The following PCDH15 variants were observed in gnomAD, a reference collection of about 807,000 sequenced individuals.
PCDH15 encodes the protein protocadherin-15.
PCDH15 carries 129 observed loss-of-function variants against 178.5 expected under a neutral mutation model. The observed-to-expected ratio is 0.72, with a 90% CI of 0.63 to 0.84. The LOEUF is 0.84. PCDH15 is among the 40% of genes least tolerant of loss of function. PCDH15 has a pLI of 0.00. For missense variants in PCDH15, 2,230 were observed against 2,099.9 expected (o/e 1.06, Z -1.21); for synonymous variants, 800 against 732.0 (o/e 1.09, Z -1.50).
intron 2 of PCDH15, among the ~76,000 whole-genome samples, chr10:55,602,401 C>T (rs975394657): frequency 5.9e-5 from 9 of 152,166 alleles, no homozygotes; most frequent in African/African-American, 2.2e-4. Flanking sequence ...TCAAGGAGGC[C>T]TGCCTGCCTC....
chr10:54,303,941 A>G (rs2060303380), intron 8 of PCDH15, among the ~76,000 whole-genome samples: 1 of 152,094 alleles, frequency 6.6e-6, no homozygotes, highest in Non-Finnish European at 1.5e-5. Flanking sequence ...CCTGTGTGAA[A>G]ATGTCACCTT....
chr10:54,311,380 G>GA (rs1026184642), intron 8 of PCDH15, among the ~76,000 whole-genome samples: 88 of 151,894 alleles, frequency 5.8e-4, no homozygotes, highest in African/African-American at 2.0e-3. Flanking sequence ...CTGTTCAATT[G>GA]AAAAAAATGC....
chr10:55,281,231 A>G (rs1014355583), intron 1 of PCDH15, among the ~76,000 whole-genome samples: 1 of 152,152 alleles, frequency 6.6e-6, no homozygotes, highest in Admixed American at 6.5e-5. Flanking sequence ...AGAATTTGGA[A>G]TAATAATAAC....
At chr10:54,284,413 C>T (rs1195606845) in intron 8 of PCDH15, among the ~76,000 whole-genome samples, 1 of 152,084 alleles carries the variant, frequency 6.6e-6, no homozygotes, top group Non-Finnish European at 1.5e-5. Flanking sequence ...TATGATTGGG[C>T]AATGTGTGGC....
chr10:54,628,747 T>C (rs774477117), intron 2 of PCDH15, among the ~76,000 whole-genome samples: 4 of 152,116 alleles, frequency 2.6e-5, no homozygotes, highest in African/African-American at 4.8e-5. Context: ...GGTTCTTGAG[T>C]CAGTTTGGTT....
At chr10:54,888,347 C>G (rs1028979832) in intron 3 of PCDH15, among the ~76,000 whole-genome samples, 2 of 151,770 alleles carry the variant, frequency 1.3e-5, no homozygotes, top group Admixed American at 6.6e-5. Context: ...TTAGATTTAT[C>G]CGTGTGGTTA....
At chr10:55,424,001 G>A (rs1455998168) in intron 2 of PCDH15, among the ~76,000 whole-genome samples, 1 of 151,930 alleles carries the variant, frequency 6.6e-6, no homozygotes, top group Non-Finnish European at 1.5e-5. Flanking sequence ...CAGAAATTGA[G>A]GAAGACACAC....
intron 2 of PCDH15, among the ~76,000 whole-genome samples, chr10:54,558,559 C>T (rs1009032255): frequency 9.2e-5 from 14 of 152,020 alleles, no homozygotes; most frequent in African/African-American, 2.9e-4. Context: ...TTTTGACTTC[C>T]CTCTTCTGAA....
chr10:55,542,071 C>T (rs898436928), intron 2 of PCDH15, among the ~76,000 whole-genome samples: 3 of 151,352 alleles, frequency 2.0e-5, no homozygotes, highest in Non-Finnish European at 4.4e-5. Context: ...CATACCACTT[C>T]CTACCAAAAC....
intron 2 of PCDH15, among the ~76,000 whole-genome samples, chr10:55,016,968 A>ACG (rs1840196979): frequency 6.6e-6 from 1 of 151,764 alleles, no homozygotes; most frequent in African/African-American, 2.4e-5. Flanking sequence ...ACACTCACAC[A>ACG]CACACAGAGG....
rs902580766 is a variant in PCDH15, at chr10:54,900,974, T to C, written c.-79-3474A>G. ...CTAGATTTTCACATTTAGGGTATCA[T>C]TTGTGCTCTAGACCTTGTGATAACA... On this transcript the variant is annotated intron_variant, in intron 2 of 5. Coordinates refer to the PCDH15 transcript ENST00000458638. Among the ~76,000 whole-genome samples the C allele has an allele frequency of 2.6e-5, 4 of 152,194 alleles. No individual in the cohort carries two copies. The South Asian group carries it at 8.3e-4, about 32-fold the overall frequency.
At chr10:55,031,539 A>G (rs1305981783) in intron 2 of PCDH15, among the ~76,000 whole-genome samples, 2 of 152,238 alleles carry the variant, frequency 1.3e-5, no homozygotes, top group Non-Finnish European at 2.9e-5. Flanking sequence ...GGCATTAAAA[A>G]GACAACTGTA....
chr10:55,464,055 A>C (rs1265541426), intron 2 of PCDH15, among the ~76,000 whole-genome samples: 1 of 125,352 alleles, frequency 8.0e-6, no homozygotes, highest in African/African-American at 2.7e-5. Context: ...GAAAGAAAGA[A>C]AGAAAGAAAA....
intron 20 of PCDH15, among the ~76,000 whole-genome samples, chr10:54,005,513 T>G (rs2092353287): frequency 6.6e-6 from 1 of 152,002 alleles, no homozygotes; most frequent in African/African-American, 2.4e-5. Flanking sequence ...AAACAAAAAT[T>G]TCTCAAAAGA....
chr10:54,861,486 A>G (rs11004606), intron 3 of PCDH15, among the ~76,000 whole-genome samples: 79,624 of 151,984 alleles, frequency 0.52, 21,262 homozygotes, highest in East Asian at 0.83. Flanking sequence ...AAGATTTCCT[A>G]AGAAAAAAGA....
At chr10:53,979,710 T>C (rs1564916817) in intron 21 of PCDH15, among the ~76,000 whole-genome samples, 1 of 152,160 alleles carries the variant, frequency 6.6e-6, no homozygotes, top group Non-Finnish European at 1.5e-5. Context: ...TTTCCCAACA[T>C]TTCTGATTAA....
At chr10:54,240,211 T>C (rs991200532) in intron 8 of PCDH15, among the ~76,000 whole-genome samples, 1 of 151,760 alleles carries the variant, frequency 6.6e-6, no homozygotes, top group African/African-American at 2.4e-5. Context: ...AGTGAGAATT[T>C]TACAGAGAGA....
chr10:54,344,860 T>C (rs1942933865), intron 6 of PCDH15, among the ~76,000 whole-genome samples: 1 of 146,620 alleles, frequency 6.8e-6, no homozygotes, highest in Non-Finnish European at 1.5e-5. Flanking sequence ...CTCTTGGTTT[T>C]ATTGTCTCTG....
At chr10:53,843,679 C>T (rs546918238) in intron 28 of PCDH15, among the ~76,000 whole-genome samples, 15 of 152,080 alleles carry the variant, frequency 9.9e-5, no homozygotes, top group South Asian at 4.2e-4. Flanking sequence ...TATTTCCTCT[C>T]CCCAACTTCG....
Sources: gnomAD v4.1 joint callset for allele counts (sites outside exome capture counted in the v4.1 genomes callset) on GRCh38, gnomAD v4.1.1 for gene constraint, MANE v1.5 for transcripts, NCBI Gene and HGNC (gene_info 2026-07-23, HGNC 2026-07-21) for gene names.